The following SPTA1 variants were observed in gnomAD, a reference collection of about 807,000 sequenced individuals.
SPTA1 encodes the protein spectrin alpha, erythrocytic 1.
Under a neutral mutation model 324.7 loss-of-function variants are expected in SPTA1, and 177 were observed. The ratio of observed to expected loss-of-function variants is 0.55; its 90% confidence interval spans 0.48 to 0.62. The LOEUF is 0.62. SPTA1 is among the 20% of genes least tolerant of loss of function. The probability of loss-of-function intolerance (pLI) is 0.00; values close to 1 mark genes in which losing one functional copy is unlikely to be tolerated. For missense variants in SPTA1, 3,162 were observed against 2,883.6 expected (o/e 1.10, Z -2.21); for synonymous variants, 1,195 against 1,041.3 (o/e 1.15, Z -2.84).
At position 158,672,076 on chromosome 1, in the gene SPTA1, AACTGTCC is replaced by A. The variant is rs771187832; in HGVS notation, c.1464_1470del (p.Asp489GlyfsTer2). On this transcript the variant is annotated frameshift_variant, in exon 11 of 52. Coordinates refer to ENST00000643759, the MANE Select transcript of SPTA1 (RefSeq NM_003126.4). LOFTEE classifies it high-confidence loss of function. ...CCCGTTACCTCTTGTCTACTCATCC[AACTGTCC>A]ACTTGCTCACTGTCTCTGTAGAAGA... 1 of 1,614,022 alleles carries A rather than the reference AACTGTCC, an allele frequency of 6.2e-7. No individual in the cohort carries two copies. Among genetic ancestry groups the A allele is most frequent in the Admixed American group, 1.7e-5 (1 of 60,000 alleles).
At chr1:158,621,194 T>A (rs1649890449) in intron 43 of SPTA1, among the ~76,000 whole-genome samples, 1 of 81,608 alleles carries the variant, frequency 1.2e-5, no homozygotes, top group Non-Finnish European at 2.9e-5. Flanking sequence ...AAAGCATGAA[T>A]TTTTTCAAAC....
chr1:158,686,571 G>GAGAA lies in SPTA1; in HGVS notation c.-55_-54insTTCT. The GAGAA allele has an allele frequency of 7.0e-7, 1 of 1,429,528 alleles. No individual in the cohort carries two copies. The highest frequency in any genetic ancestry group is 9.9e-7 in the Non-Finnish European group (1 of 1,013,366). The allele number at this position is 1,429,528 out of a possible 1,614,324, so 88.6% of individuals were successfully genotyped here. ...ATAAAATGTGTCAGAGAGAGAGAGA[G>GAGAA]AGAGAAATAATTCAAATGGAACTGT... On this transcript the variant is annotated 5_prime_UTR_variant, in exon 1 of 52. It introduces an in-frame stop codon into an upstream open reading frame of the 5' UTR. Transcript: ENST00000643759.
intron 20 of SPTA1, among the ~76,000 whole-genome samples, chr1:158,655,901 T>C (rs1652792941): frequency 6.6e-6 from 1 of 152,206 alleles, no homozygotes; most frequent in Non-Finnish European, 1.5e-5. Flanking sequence ...TGTGCCTCAG[T>C]GCATTTGCTC....
In SPTA1 at chr1:158,645,403, A is replaced by G; in HGVS notation, c.3997-18T>C. On this transcript the variant is annotated intron_variant, in intron 28 of 51. Coordinates refer to ENST00000643759, the MANE Select transcript of SPTA1 (RefSeq NM_003126.4). ...CGGTGCTCCTGTGGGAAAAAGGGGG[A>G]AGAAATCAGTGAGGCCAACTCCATT... is the stretch of plus-strand genomic sequence containing the variant. 1.2e-6 allele frequency: 2 copies of G among 1,613,884 alleles called. No individual in the cohort carries two copies. The highest frequency in any genetic ancestry group is 2.2e-5 in the South Asian group (2 of 91,084).
At chr1:158,645,106 A>C (rs1271597015) in intron 29 of SPTA1, 82 bp downstream of exon 29, 23 of 1,453,970 alleles carry the variant, frequency 1.6e-5, no homozygotes, top group Non-Finnish European at 2.1e-5. Flanking sequence ...AGTCTAGTGA[A>C]CGGAGCCTGT....
rs762846024 is a variant in SPTA1 at position 158,682,546 on chromosome 1, T to A, written c.390+825A>T. Among the ~76,000 whole-genome samples the A allele has an allele frequency of 3.3e-5, 5 of 152,166 alleles. No individual in the cohort carries two copies. In the South Asian group the frequency reaches 6.2e-4, roughly 19 times the overall value. ...AAATAAGATTCTATTCTGGCTAAAATCTGTGTCCGTTGACCATATTTTGAT... is the reference window on the plus strand; with the variant it reads ...AAATAAGATTCTATTCTGGCTAAAAACTGTGTCCGTTGACCATATTTTGAT... On this transcript the variant is annotated intron_variant, in intron 3 of 51. Transcript: ENST00000643759.
rs201395636 is a variant in SPTA1, at chr1:158,669,539, G to A, written c.1702C>T (p.Arg568Cys). 143 of 1,614,058 alleles carry A rather than the reference G, an allele frequency of 8.9e-5. No individual in the cohort carries two copies. Among genetic ancestry groups the A allele is most frequent in the Admixed American group, 1.7e-4 (10 of 59,994 alleles). ...CTACGTCTAGTGGCAGCCTTTTCACGTAGGGCATCCCGCCGGGCTAACAGC... is the reference window on the plus strand; with the variant it reads ...CTACGTCTAGTGGCAGCCTTTTCACATAGGGCATCCCGCCGGGCTAACAGC... ...DGLLARRDAL[R>C]EKAATRRRLL... Residue 568 changes from arginine to cysteine, a missense_variant, in exon 14 of 52, where the codon CGT becomes TGT. By Grantham distance (180) the Arg-to-Cys change is radical. Coordinates refer to ENST00000643759, the MANE Select transcript of SPTA1 (RefSeq NM_003126.4).
intron 25 of SPTA1, among the ~76,000 whole-genome samples, chr1:158,648,865 C>T (rs1652203703): frequency 1.3e-5 from 2 of 148,486 alleles, no homozygotes; most frequent in African/African-American, 2.5e-5. Context: ...ATTACTATTC[C>T]CATTAAATAG....
At chr1:158,669,323 G>A (rs766791210) in intron 14 of SPTA1, 85 bp downstream of exon 14, 124 of 1,581,552 alleles carry the variant, frequency 7.8e-5, no homozygotes, top group Admixed American at 6.7e-4. Flanking sequence ...CCAGCTGAAC[G>A]CTAAAGTTCA....
rs529737984 is a variant in SPTA1, at chr1:158,675,250, A to G, written c.1113-575T>C. On this transcript the variant is annotated intron_variant, in intron 8 of 51. Coordinates refer to ENST00000643759, the MANE Select transcript of SPTA1 (RefSeq NM_003126.4). ...ATTAATACTGAAATGATGCCTGATT[A>G]TTAGGGGTTTTTGTAAGCTTGTAAT... 4.0e-4 allele frequency among the ~76,000 whole-genome samples: 61 copies of G among 152,326 alleles called. 1 individual carries two copies. Among genetic ancestry groups the G allele is most frequent in the African/African-American group, 1.4e-3 (60 of 41,586 alleles).
intron 51 of SPTA1, 116 bp downstream of exon 51, chr1:158,612,701 A>C: frequency 9.3e-7 from 1 of 1,071,798 alleles, no homozygotes; most frequent in South Asian, 1.3e-5. Flanking sequence ...GTGAAAGGGG[A>C]GGTCTGAAAA....
intron 27 of SPTA1, among the ~76,000 whole-genome samples, chr1:158,647,113 T>C (rs1652052165): frequency 6.6e-6 from 1 of 152,176 alleles, no homozygotes; most frequent in Non-Finnish European, 1.5e-5. Context: ...TGTTAAAAGT[T>C]TGACTGATAA....
chr1:158,629,924 A>G (rs1390149303), intron 39 of SPTA1, among the ~76,000 whole-genome samples: 1 of 151,862 alleles, frequency 6.6e-6, no homozygotes, highest in Non-Finnish European at 1.5e-5. Context: ...TAAAATATAT[A>G]AAAATAAATG....
At chr1:158,670,032 C>T (rs1399610075) in intron 12 of SPTA1, among the ~76,000 whole-genome samples, 2 of 152,196 alleles carry the variant, frequency 1.3e-5, no homozygotes, top group Non-Finnish European at 2.9e-5. Flanking sequence ...TAAATGAATG[C>T]AGATGTTGCT....
intron 27 of SPTA1, among the ~76,000 whole-genome samples, chr1:158,645,886 G>T (rs1284304223): frequency 6.6e-6 from 1 of 152,146 alleles, no homozygotes; most frequent in African/African-American, 2.4e-5. Flanking sequence ...AGTCACCTTA[G>T]AAAAGGTAAT....
At chr1:158,640,889 C>A (rs113517343) in intron 33 of SPTA1, among the ~76,000 whole-genome samples, 2 of 152,138 alleles carry the variant, frequency 1.3e-5, no homozygotes, top group Non-Finnish European at 2.9e-5. Context: ...GGAGGCATCA[C>A]GCTACCTGAC....
At chr1:158,617,020 T>A (rs1031261538) in intron 47 of SPTA1, among the ~76,000 whole-genome samples, 1 of 143,546 alleles carries the variant, frequency 7.0e-6, no homozygotes, top group African/African-American at 2.7e-5. Flanking sequence ...ATTACTTAAT[T>A]TTTTTCTCCT....
Position 158,668,065 on chromosome 1 carries a change from G to C in SPTA1, c.1834-3C>G. ...CTGCTCTTCAAGTTCTGTATGTCCT[G>C]AGATAAGATGAAAAAAAAAAAAAAA... On this transcript the variant is annotated splice_region_variant and splice_polypyrimidine_tract_variant and intron_variant, in intron 14 of 51. Transcript: ENST00000643759. 1 of 1,536,120 alleles carries C rather than the reference G, an allele frequency of 6.5e-7. No homozygotes were observed. Among genetic ancestry groups the C allele is most frequent in the Non-Finnish European group, 8.7e-7 (1 of 1,144,028 alleles).
chr1:158,642,593 A>G, intron 32 of SPTA1, 51 bp from the exon 33 acceptor site: 2 of 1,608,550 alleles, frequency 1.2e-6, no homozygotes, highest in Non-Finnish European at 8.5e-7. Context: ...TTATGGTGAC[A>G]AGATAAGGTA....
Sources: allele counts gnomAD v4.1 joint callset (sites outside exome capture counted in the v4.1 genomes callset), GRCh38; gene constraint gnomAD v4.1.1; transcripts MANE v1.5; gene names NCBI Gene and HGNC (gene_info 2026-07-23, HGNC 2026-07-21).